HAGHL: variants seen among roughly 807,000 people sequenced by gnomAD.
HAGHL encodes hydroxyacylglutathione hydrolase like, also known as hydroxyacylglutathione hydrolase-like protein.
A neutral mutation model predicts 29.2 loss-of-function variants in HAGHL; 27 were observed. That is an observed-to-expected ratio of 0.92 (90% CI 0.68 to 1.27). The LOEUF (loss-of-function observed/expected upper bound fraction) is 1.27, where lower values mean the gene tolerates loss of function less well. HAGHL is among the 50% of genes most tolerant of loss of function. The pLI is 0.00. For synonymous variants in HAGHL, 223 were observed against 185.7 expected (o/e 1.20, Z -1.63); for missense variants, 529 against 405.5 (o/e 1.30, Z -2.62).
chr16:728,385 T>C lies in HAGHL; in HGVS notation c.358T>C (p.Trp120Arg). The C allele has an allele frequency of 6.3e-7, 1 of 1,578,028 alleles. No homozygotes were observed. Among genetic ancestry groups the C allele is most frequent in the Non-Finnish European group, 8.6e-7 (1 of 1,165,890 alleles). The change falls in exon 4 of 8, where the codon TGG becomes CGG. Residue 120 changes from tryptophan to arginine, a missense_variant. Trp to Arg is a moderately radical substitution (Grantham distance 101, BLOSUM62 -3). Coordinates refer to ENST00000389703, the MANE Select transcript of HAGHL (RefSeq NM_032304.4). ...CGCCGGCCACATGAGCTACTTCCTG[T>C]GGGAGGACGATTGCCCGGACCCACC... ...HTAGHMSYFLWEDDCPDPPAL... is the reference protein window; with the variant it reads ...HTAGHMSYFLREDDCPDPPAL...
chr16:728,003 C>T lies in HAGHL; in HGVS notation c.144C>T (p.Thr48=), dbSNP rs1051253894. The part of the protein sequence containing the change: ...EIVGREGVSL[T]AVLTTHHHWD... The stretch of plus-strand genomic sequence containing the variant: ...TGGGCCGGGAGGGGGTGTCTCTGAC[C>T]GCTGTGCTGACCACCCACCATCACT... Residue 48 remains threonine, a synonymous_variant, in exon 2 of 8, where the codon ACC becomes ACT. Coordinates refer to ENST00000389703, the MANE Select transcript of HAGHL (RefSeq NM_032304.4). 12 of 1,605,908 alleles carry T rather than the reference C, an allele frequency of 7.5e-6. 1 individual carries two copies. Among genetic ancestry groups the T allele is most frequent in the Admixed American group, 3.4e-5 (2 of 59,578 alleles).
At position 728,799 on chromosome 16, in the gene HAGHL, G is replaced by A; in HGVS notation, c.504G>A (p.Val168=). ...ACCGAGCGCTCTTCCTCCAGAAGGT[G>A]TTCTGCGGCCACGAGCACACGCTTA... ...ELGTLPPETK[V]FCGHEHTLSN... Residue 168 remains valine (V), a synonymous_variant, in exon 6 of 8, where the codon GTG becomes GTA. Coordinates refer to ENST00000389703, the MANE Select transcript of HAGHL (RefSeq NM_032304.4). The A allele has an allele frequency of 1.2e-6, 2 of 1,612,082 alleles. No homozygotes were observed. The highest frequency in any genetic ancestry group is 1.7e-6 in the Non-Finnish European group (2 of 1,179,704).
In HAGHL at chr16:727,295, G is replaced by A; in HGVS notation, c.-215G>A. 1 of 491,514 alleles carries A rather than the reference G, an allele frequency of 2.0e-6. No homozygotes were observed. Among genetic ancestry groups the A allele is most frequent in the Non-Finnish European group, 3.6e-6 (1 of 274,392 alleles). 30.4% of individuals were successfully genotyped at this position (491,514 alleles called of 1,614,324 possible). ...AGCCGGGGCTGGTTGGGGACCGGCC[G>A]GGTTCCGCTCCTGCTGGAGCCCGGT... On this transcript the variant is annotated 5_prime_UTR_variant, in exon 1 of 8. Transcript: ENST00000389703.
rs951259925 is a variant in HAGHL, at chr16:728,239, CG to C, written c.288+7del. 3 of 1,483,504 alleles carry C rather than the reference CG, an allele frequency of 2.0e-6. No homozygotes were observed. The African/African-American group carries it at 4.4e-5, about 22-fold the overall frequency. 91.9% of individuals were successfully genotyped at this position (1,483,504 alleles called of 1,614,324 possible). ...CGCACGGCGAGGAGCTGCGGGTGAG[CG>C]CGCGCTCCCGGGAGGGGCGGGGAGG... On this transcript the variant is annotated splice_region_variant and intron_variant, in intron 3 of 7. Transcript: ENST00000389703.
At chr16:728,652 A>G (rs1239595162) in intron 5 of HAGHL, 48 bp downstream of exon 5, 1 of 1,282,006 alleles carries the variant, frequency 7.8e-7, no homozygotes, top group Non-Finnish European at 1.1e-6. Flanking sequence ...CACAGCCCCC[A>G]CGCTCCGCAC....
In HAGHL at chr16:728,311, C is replaced by A. The variant is rs753069902; in HGVS notation, c.289-5C>A. On this transcript the variant is annotated splice_region_variant and splice_polypyrimidine_tract_variant and intron_variant, in intron 3 of 7. Coordinates refer to ENST00000389703, the MANE Select transcript of HAGHL (RefSeq NM_032304.4). ...CTCACAGGTCCGCCTGCTCCTCCGC[C>A]GCAGTTCGGGGCCATCCACGTGCGT... 2.6e-6 allele frequency: 4 copies of A among 1,540,482 alleles called. No homozygotes were observed. Among genetic ancestry groups the A allele is most frequent in the Admixed American group, 1.9e-5 (1 of 52,090 alleles).
In HAGHL at chr16:728,424, G is replaced by A. The variant is rs1418074328; in HGVS notation, c.397G>A (p.Gly133Ser). ...CCCGGACCCACCCGCCCTGTTCTCG[G>A]GTACCCGCAGCGCGGAGCGCGCCCA... ...DCPDPPALFS[G>S]DALSVAGCGS... The change falls in exon 4 of 8, where the codon GGC becomes AGC. Residue 133 changes from glycine (G) to serine (S), a missense_variant and splice_region_variant. Transcript: ENST00000389703. The A allele has an allele frequency of 6.5e-7, 1 of 1,539,780 alleles. No homozygotes were observed. Among genetic ancestry groups the A allele is most frequent in the Non-Finnish European group, 8.7e-7 (1 of 1,144,622 alleles).
In HAGHL at chr16:728,452, C is replaced by A. The variant is rs1018477748; in HGVS notation, c.397+28C>A. ...ACCCGCAGCGCGGAGCGCGCCCACC[C>A]CGCCTCCCGCCGGCCCCGCCCCATC... is the stretch of plus-strand genomic sequence containing the variant. On this transcript the variant is annotated intron_variant, in intron 4 of 7. Transcript: ENST00000389703. 1.7e-5 allele frequency: 25 copies of A among 1,504,020 alleles called. No individual in the cohort carries two copies. The African/African-American group carries it at 2.9e-4, about 18-fold the overall frequency. 93.2% of individuals were successfully genotyped at this position (1,504,020 alleles called of 1,614,324 possible). A position where few individuals can be genotyped will look rare whatever the true frequency, so the allele number is the denominator to read the frequency against.
At position 729,367 on chromosome 16, in the gene HAGHL, T is replaced by G; in HGVS notation, c.760T>G (p.Phe254Val). 1 of 1,530,830 alleles carries G rather than the reference T, an allele frequency of 6.5e-7. No homozygotes were observed. Among genetic ancestry groups the G allele is most frequent in the Non-Finnish European group, 8.8e-7 (1 of 1,141,016 alleles). 94.8% of individuals were successfully genotyped at this position (1,530,830 alleles called of 1,614,324 possible). ...GGCGCTATGCAAGGAGCGGGCGCGC[T>G]TCGAACAGGCGGGCGAGCCGCGGCA... ...LEALCKERAR[F>V]EQAGEPRQPQ... The change falls in exon 8 of 8, where the codon TTC becomes GTC. Residue 254 changes from phenylalanine (F) to valine (V), a missense_variant. Coordinates refer to ENST00000389703, the MANE Select transcript of HAGHL (RefSeq NM_032304.4).
rs1247789037 is a variant in HAGHL at position 727,323 on chromosome 16, G to A, written c.-187G>A. 7.7e-6 allele frequency: 4 copies of A among 519,996 alleles called. No homozygotes were observed. Among genetic ancestry groups the A allele is most frequent in the Non-Finnish European group, 1.4e-5 (4 of 288,170 alleles). 32.2% of individuals were successfully genotyped at this position (519,996 alleles called of 1,614,324 possible). On this transcript the variant is annotated 5_prime_UTR_variant, in exon 1 of 8. It adds an upstream start codon to the 5' untranslated region. Transcript: ENST00000389703. ...TTCCGCTCCTGCTGGAGCCCGGTGC[G>A]TGGAATTCCACGCGAGTGCCGGGGA...
At position 728,711 on chromosome 16, in the gene HAGHL, G is replaced by T. The variant is rs533154497; in HGVS notation, c.499-83G>T. On this transcript the variant is annotated intron_variant, in intron 5 of 7. Coordinates refer to ENST00000389703, the MANE Select transcript of HAGHL (RefSeq NM_032304.4). ...GTGAATGCCCACCTGAGGGCAGACCGGGCAGGGGAGGCCAGGCCCCCGGCG... is the reference window on the plus strand; with the variant it reads ...GTGAATGCCCACCTGAGGGCAGACCTGGCAGGGGAGGCCAGGCCCCCGGCG... 4.4e-5 allele frequency: 61 copies of T among 1,386,892 alleles called. 3 individuals are homozygous for T. In the South Asian group the frequency reaches 7.2e-4, roughly 16 times the overall value. 85.9% of individuals were successfully genotyped at this position (1,386,892 alleles called of 1,614,324 possible).
rs1222443497 is a variant in HAGHL, at chr16:728,800, T to C, written c.505T>C (p.Phe169Leu). Residue 169 changes from phenylalanine (F) to leucine (L), a missense_variant, in exon 6 of 8, where the codon TTC becomes CTC. Phe to Leu is a conservative substitution (Grantham distance 22, BLOSUM62 0). Coordinates refer to ENST00000389703, the MANE Select transcript of HAGHL (RefSeq NM_032304.4). ...LGTLPPETKVFCGHEHTLSNL... is the reference protein window; with the variant it reads ...LGTLPPETKVLCGHEHTLSNL... Reference sequence around the variant, plus strand: ...CCGAGCGCTCTTCCTCCAGAAGGTGTTCTGCGGCCACGAGCACACGCTTAG... The same window carrying C: ...CCGAGCGCTCTTCCTCCAGAAGGTGCTCTGCGGCCACGAGCACACGCTTAG... 6.2e-7 allele frequency: 1 copy of C among 1,611,100 alleles called. No homozygotes were observed. Among genetic ancestry groups the C allele is most frequent in the Middle Eastern group, 1.7e-4 (1 of 6,060 alleles).
In HAGHL at chr16:729,281, C is replaced by T; in HGVS notation, c.681-7C>T. 1.3e-6 allele frequency: 2 copies of T among 1,519,838 alleles called. No homozygotes were observed. The highest frequency in any genetic ancestry group is 1.8e-6 in the Non-Finnish European group (2 of 1,135,492). The allele number at this position is 1,519,838 out of a possible 1,614,324, so 94.1% of individuals were successfully genotyped here. A position where few individuals can be genotyped will look rare whatever the true frequency, so the allele number is the denominator to read the frequency against. ...GGCCCTGCGCCTCACTGCACCCCTC[C>T]CTGCAGAGAGGAGCCGGTGCGCAAG... On this transcript the variant is annotated splice_polypyrimidine_tract_variant and splice_region_variant and intron_variant, in intron 7 of 7. Coordinates refer to ENST00000389703, the MANE Select transcript of HAGHL (RefSeq NM_032304.4).
chr16:729,533 C>A lies in HAGHL; in HGVS notation c.*77C>A. 6.5e-7 allele frequency: 1 copy of A among 1,534,418 alleles called. No individual in the cohort carries two copies. Among genetic ancestry groups the A allele is most frequent in the Non-Finnish European group, 8.7e-7 (1 of 1,146,024 alleles). On this transcript the variant is annotated 3_prime_UTR_variant, in exon 8 of 8. Transcript: ENST00000389703. ...GCCAGCTGGACCCACATGAGGGCCACCTCTGGAACCTTCTTCGAGGCCCTG... is the reference window on the plus strand; with the variant it reads ...GCCAGCTGGACCCACATGAGGGCCAACTCTGGAACCTTCTTCGAGGCCCTG...
rs1307380199 is a variant in HAGHL, at chr16:728,344, T to A, written c.317T>A (p.Leu106Gln). ...RFGAIHVRCL[L>Q]TPGHTAGHMS... The stretch of plus-strand genomic sequence containing the variant: ...GGGGCCATCCACGTGCGTTGCCTCC[T>A]GACGCCCGGCCACACCGCCGGCCAC... The change falls in exon 4 of 8, where the codon CTG becomes CAG. Residue 106 changes from leucine to glutamine, a missense_variant. Leu to Gln is a moderately radical substitution (Grantham distance 113). Transcript: ENST00000389703. 1 of 1,570,940 alleles carries A rather than the reference T, an allele frequency of 6.4e-7. No individual in the cohort carries two copies. The highest frequency in any genetic ancestry group is 1.8e-5 in the Admixed American group (1 of 55,604).
In HAGHL at chr16:727,912, AG is replaced by A. The variant is rs57108172; in HGVS notation, c.106-50del. 6.3e-3 allele frequency: 9,744 copies of A among 1,536,222 alleles called. 551 individuals are homozygous for A. The African/African-American group carries it at 0.12, about 19-fold the overall frequency. The stretch of plus-strand genomic sequence containing the variant: ...GTGAGCGCGGCGGATCCCGATATGG[AG>A]GGAGTGGGCCACCGGGACCGTCTGT... On this transcript the variant is annotated intron_variant, in intron 1 of 7. Coordinates refer to ENST00000389703, the MANE Select transcript of HAGHL (RefSeq NM_032304.4).
Position 728,884 on chromosome 16 carries a change from T to C in HAGHL, c.589T>C (p.Ser197Pro), listed in dbSNP as rs778144180. The C allele has an allele frequency of 5.7e-6, 8 of 1,392,998 alleles. No homozygotes were observed. The African/African-American group carries it at 6.2e-5, about 11-fold the overall frequency. 86.3% of individuals were successfully genotyped at this position (1,392,998 alleles called of 1,614,324 possible). ...CAACGACCACGTGAGAGCCAAGCTGTCCTGGGCTAAGGCACGGCCCCTTTC... is the reference window on the plus strand; with the variant it reads ...CAACGACCACGTGAGAGCCAAGCTGCCCTGGGCTAAGGCACGGCCCCTTTC... Reference protein sequence around the residue: ...PCNDHVRAKLSWAKKRDEDDV... With the variant: ...PCNDHVRAKLPWAKKRDEDDV... The change falls in exon 6 of 8, where the codon TCC becomes CCC. Residue 197 changes from serine (S) to proline (P), a missense_variant. Physicochemically the swap from Ser to Pro is moderately conservative, Grantham distance 74 (BLOSUM62 -1). Transcript: ENST00000389703.
chr16:729,121 G>A, intron 7 of HAGHL, 33 bp downstream of exon 7: 1 of 1,604,292 alleles, frequency 6.2e-7, no homozygotes, highest in African/African-American at 1.3e-5. Flanking sequence ...GGCCTCCACC[G>A]TTACGTGGAC....
In HAGHL at chr16:729,382, G is replaced by C. The variant is rs1224699479; in HGVS notation, c.775G>C (p.Glu259Gln). 8 of 1,527,166 alleles carry C rather than the reference G, an allele frequency of 5.2e-6. No homozygotes were observed. Among genetic ancestry groups the C allele is most frequent in the Admixed American group, 2.2e-5 (1 of 45,370 alleles). The allele number at this position is 1,527,166 out of a possible 1,614,324, so 94.6% of individuals were successfully genotyped here. A position where few individuals can be genotyped will look rare whatever the true frequency, so the allele number is the denominator to read the frequency against. ...GCGGGCGCGCTTCGAACAGGCGGGC[G>C]AGCCGCGGCAGCCACAGGCGCGGGC... ...KERARFEQAGEPRQPQARALL... is the reference protein window; with the variant it reads ...KERARFEQAGQPRQPQARALL... The change falls in exon 8 of 8, where the codon GAG becomes CAG. Residue 259 changes from glutamate (E) to glutamine (Q), a missense_variant. By Grantham distance (29) the Glu-to-Gln change is conservative. Coordinates refer to ENST00000389703, the MANE Select transcript of HAGHL (RefSeq NM_032304.4).
Sources: gnomAD v4.1 joint callset for allele counts on GRCh38, gnomAD v4.1.1 for gene constraint, MANE v1.5 for transcripts, NCBI Gene and HGNC (gene_info 2026-07-23, HGNC 2026-07-21) for gene names.